The following FBN2 variants were observed in gnomAD, a reference collection of about 807,000 sequenced individuals.
The protein encoded by FBN2 is fibrillin-2.
Under a neutral mutation model 355.6 loss-of-function variants are expected in FBN2, and 105 were observed. The observed-to-expected ratio is 0.30, with a 90% confidence interval of 0.25 to 0.35. FBN2 has a LOEUF of 0.35. Ranked by LOEUF, FBN2 falls within the 10% of genes least tolerant of loss-of-function variation. FBN2 has a pLI of 1.00. For synonymous variants in FBN2, 1,350 were observed against 1,301.2 expected (o/e 1.04, Z -0.81); for missense variants, 3,280 against 3,758.7 (o/e 0.87, Z 3.33).
In FBN2 at chr5:128,262,310, C is replaced by T. The variant is rs185815742; in HGVS notation, c.8193-403G>A. On this transcript the variant is annotated intron_variant, in intron 63 of 64. Coordinates refer to ENST00000262464, the MANE Select transcript of FBN2 (RefSeq NM_001999.4). ...CTGCCTTCAAGCGATTCTCCTACCT[C>T]GGACTCCCAAAGTACTGGGATTGCA... Among the ~76,000 whole-genome samples, 575 of 152,296 alleles carry T rather than the reference C, an allele frequency of 3.8e-3. 3 individuals are homozygous for T. Among genetic ancestry groups the T allele is most frequent in the Non-Finnish European group, 5.2e-3 (351 of 68,022 alleles).
intron 15 of FBN2, among the ~76,000 whole-genome samples, chr5:128,371,509 A>ATCCTTCCT (rs55789200): frequency 0.023 from 2,405 of 102,724 alleles, 41 homozygotes; most frequent in Middle Eastern, 0.07. Flanking sequence ...CCCTCCCTCC[A>ATCCTTCCT]TCCTTCCTTC....
At chr5:128,338,829 C>T (rs1338052887) in intron 26 of FBN2, 104 bp downstream of exon 26, 5 of 1,254,730 alleles carry the variant, frequency 4.0e-6, no homozygotes, top group Non-Finnish European at 5.8e-6. Flanking sequence ...CAGATGCTGG[C>T]CACACATGCC....
At chr5:128,483,963 C>T (rs1466057302) in intron 5 of FBN2, among the ~76,000 whole-genome samples, 1 of 152,180 alleles carries the variant, frequency 6.6e-6, no homozygotes, top group African/African-American at 2.4e-5. Context: ...TTTTCCACCA[C>T]ATATGTGATG....
intron 55 of FBN2, among the ~76,000 whole-genome samples, chr5:128,285,761 C>T (rs1749130774): frequency 1.3e-5 from 2 of 152,122 alleles, no homozygotes; most frequent in South Asian, 4.2e-4. Context: ...AGTGCTTACT[C>T]CCTCTTTCCC....
At chr5:128,342,720 G>T (rs1454554547) in intron 25 of FBN2, among the ~76,000 whole-genome samples, 1 of 151,424 alleles carries the variant, frequency 6.6e-6, no homozygotes, top group Non-Finnish European at 1.5e-5. Context: ...AGGGAGTGGG[G>T]GATAAAGGAG....
At chr5:128,296,640 A>C (rs1009540133) in intron 48 of FBN2, among the ~76,000 whole-genome samples, 12 of 152,146 alleles carry the variant, frequency 7.9e-5, no homozygotes, top group African/African-American at 2.9e-4. Context: ...TGTTTGTAGT[A>C]TTCTCTGATG....
At chr5:128,419,846 C>T (rs2127014413) in intron 7 of FBN2, among the ~76,000 whole-genome samples, 2 of 152,162 alleles carry the variant, frequency 1.3e-5, no homozygotes, top group Admixed American at 1.3e-4. Context: ...CAGGCATGCG[C>T]CACCATGCCT....
At chr5:128,434,419 T>TATATATATATATATATATATATATATAA in intron 7 of FBN2, among the ~76,000 whole-genome samples, 1 of 125,592 alleles carries the variant, frequency 8.0e-6, no homozygotes, top group South Asian at 2.4e-4. Context: ...TATATATATA[T>TATATATATATATATATATATATATATAA]ATATATGGGC....
chr5:128,449,690 A>T (rs1403593852), intron 6 of FBN2, among the ~76,000 whole-genome samples: 1 of 151,760 alleles, frequency 6.6e-6, no homozygotes, highest in African/African-American at 2.4e-5. Flanking sequence ...TGACAGATTT[A>T]AACACAATAA....
At chr5:128,465,367 T>C (rs1394420896) in intron 5 of FBN2, among the ~76,000 whole-genome samples, 2 of 152,168 alleles carry the variant, frequency 1.3e-5, no homozygotes, top group Non-Finnish European at 2.9e-5. Flanking sequence ...CCGAGCTCAG[T>C]ACATTCACTG....
At chr5:128,259,978 T>C in intron 64 of FBN2, 149 bp from the exon 65 acceptor site, 1 of 776,596 alleles carries the variant, frequency 1.3e-6, no homozygotes, top group Non-Finnish European at 2.2e-6. Flanking sequence ...GCAGTGGCTG[T>C]GAAAGAGGCT....
intron 15 of FBN2, among the ~76,000 whole-genome samples, chr5:128,372,328 A>T (rs1343826812): frequency 3.9e-5 from 6 of 152,218 alleles, no homozygotes; most frequent in Admixed American, 3.9e-4. Context: ...CTTGCTTGTG[A>T]GTTGTATTTC....
rs185033214 is a variant in FBN2, at chr5:128,292,149, G to T, written c.6167-495C>A. ...ATTTGCCACCAGTCTCTCAACTGATGTCTACATCTCCTGAATGTCTTCTTC... is the reference window on the plus strand; with the variant it reads ...ATTTGCCACCAGTCTCTCAACTGATTTCTACATCTCCTGAATGTCTTCTTC... On this transcript the variant is annotated intron_variant, in intron 48 of 64. Transcript: ENST00000262464. Among the ~76,000 whole-genome samples, 56 of 152,178 alleles carry T rather than the reference G, an allele frequency of 3.7e-4. 1 individual carries two copies. Among genetic ancestry groups the T allele is most frequent in the Admixed American group, 3.3e-3 (51 of 15,294 alleles).
chr5:128,466,281 T>C (rs982582594), intron 5 of FBN2, among the ~76,000 whole-genome samples: 1 of 152,200 alleles, frequency 6.6e-6, no homozygotes, highest in African/African-American at 2.4e-5. Flanking sequence ...TTATTAATTC[T>C]TGGGAATACA....
At chr5:128,370,553 C>T (rs1751906514) in intron 15 of FBN2, among the ~76,000 whole-genome samples, 1 of 152,128 alleles carries the variant, frequency 6.6e-6, no homozygotes, top group African/African-American at 2.4e-5. Context: ...CTGAGTTTGG[C>T]AGTGTATCTT....
At chr5:128,498,668 A>C (rs1755720521) in intron 5 of FBN2, among the ~76,000 whole-genome samples, 2 of 152,240 alleles carry the variant, frequency 1.3e-5, no homozygotes, top group African/African-American at 4.8e-5. Flanking sequence ...AACAATAGAA[A>C]ATACATAACT....
At chr5:128,297,174 C>T (rs1749546764) in intron 48 of FBN2, among the ~76,000 whole-genome samples, 2 of 152,064 alleles carry the variant, frequency 1.3e-5, no homozygotes, top group Admixed American at 6.6e-5. Context: ...ATCCTGAGTT[C>T]TAGTTTGATT....
chr5:128,420,995 G>A (rs1215276153), intron 7 of FBN2, among the ~76,000 whole-genome samples: 1 of 152,158 alleles, frequency 6.6e-6, no homozygotes, highest in Non-Finnish European at 1.5e-5. Context: ...GTGGAACTTT[G>A]GCATGCAAGG....
At chr5:128,311,104 G>A (rs1750042992) in intron 39 of FBN2, among the ~76,000 whole-genome samples, 196 bp downstream of exon 39, 1 of 150,872 alleles carries the variant, frequency 6.6e-6, no homozygotes, top group Admixed American at 6.6e-5. Flanking sequence ...AAAATACAGT[G>A]AATTATGGCA....
Sources: allele counts gnomAD v4.1 joint callset (sites outside exome capture counted in the v4.1 genomes callset), GRCh38; gene constraint gnomAD v4.1.1; transcripts MANE v1.5; gene names NCBI Gene and HGNC (gene_info 2026-07-23, HGNC 2026-07-21).